The following FAAH2 variants were observed in gnomAD, a reference collection of about 807,000 sequenced individuals.
FAAH2 encodes fatty acid amide hydrolase 2.
In FAAH2, 60 loss-of-function variants were observed where a neutral mutation model predicts 36.9. The observed-to-expected ratio is 1.63, with a 90% CI of 1.32 to 2.02. The LOEUF (loss-of-function observed/expected upper bound fraction) is 2.02. Ranked by LOEUF, FAAH2 falls within the 30% of genes most tolerant of loss-of-function variation. The pLI, the probability that FAAH2 is intolerant of heterozygous loss-of-function variation, is 0.00. For missense variants in FAAH2, 689 were observed against 397.5 expected, an observed-to-expected ratio of 1.73 and a Z score of -6.23; for synonymous variants, 214 against 143.8, an observed-to-expected ratio of 1.49 and a Z score of -3.49.
At chrX:57,228,269 C>T in the FAAH2 span, among the ~76,000 whole-genome samples, 9 of 111,281 alleles carry the variant, frequency 8.1e-5, no homozygotes, top group Non-Finnish European at 1.5e-4. Context: ...CCCTGTGGTG[C>T]CAGGCAGGAA....
chrX:57,170,143 G>T, the FAAH2 span, among the ~76,000 whole-genome samples: 1 of 111,695 alleles, frequency 9.0e-6, no homozygotes, highest in Non-Finnish European at 1.9e-5. Context: ...GCTAACTTTT[G>T]TTTTTGTTGT....
intron 1 of FAAH2, among the ~76,000 whole-genome samples, chrX:57,289,871 AAGAG>A (rs1241425426): frequency 4.6e-5 from 5 of 109,686 alleles, no homozygotes; most frequent in Non-Finnish European, 9.5e-5. Context: ...GAGGGAGGGA[AAGAG>A]AGAGAGAGTG....
chrX:57,260,937 C>T, the FAAH2 span, among the ~76,000 whole-genome samples: 1 of 111,786 alleles, frequency 8.9e-6, no homozygotes, highest in Non-Finnish European at 1.9e-5. Flanking sequence ...ATTTCATACA[C>T]TGCTGTTGGG....
At chrX:57,204,781 G>T in the FAAH2 span, among the ~76,000 whole-genome samples, 1 of 112,025 alleles carries the variant, frequency 8.9e-6, no homozygotes, top group Admixed American at 9.5e-5. Context: ...TTGCATATGG[G>T]GTGTTCCATA....
At chrX:57,428,946 C>T (rs762782068) in intron 7 of FAAH2, among the ~76,000 whole-genome samples, 1 of 111,522 alleles carries the variant, frequency 9.0e-6, no homozygotes, top group South Asian at 3.7e-4. Context: ...AAACAGACAA[C>T]GTGCAGAATG....
chrX:57,306,183 G>A (rs752097550), intron 2 of FAAH2, among the ~76,000 whole-genome samples: 1 of 111,760 alleles, frequency 8.9e-6, no homozygotes, highest in African/African-American at 3.3e-5. Context: ...AAGTGTGAGG[G>A]ATGGGATATA....
At chrX:57,437,750 A>G (rs1165889893) in intron 8 of FAAH2, among the ~76,000 whole-genome samples, 1 of 102,754 alleles carries the variant, frequency 9.7e-6, no homozygotes, top group Non-Finnish European at 2.0e-5. Flanking sequence ...TATTATTTAT[A>G]TTTATATTTA....
the FAAH2 span, among the ~76,000 whole-genome samples, chrX:57,256,298 C>T: frequency 6.3e-5 from 7 of 111,695 alleles, no homozygotes; most frequent in South Asian, 3.8e-4. Context: ...GGAAACATTC[C>T]ATGCTCATGG....
chrX:57,477,639 C>A (rs1208204154), intron 10 of FAAH2, among the ~76,000 whole-genome samples: 3 of 103,096 alleles, frequency 2.9e-5, no homozygotes, highest in Non-Finnish European at 4.0e-5. Context: ...TCCCTCCCCG[C>A]TCCCCCAACC....
the FAAH2 span, among the ~76,000 whole-genome samples, chrX:57,228,859 G>A: frequency 9.0e-6 from 1 of 111,106 alleles, no homozygotes; most frequent in Non-Finnish European, 1.9e-5. Flanking sequence ...TTGAATAAAT[G>A]CAACGTCAGA....
At chrX:57,410,980 T>G (rs1342803139) in intron 7 of FAAH2, among the ~76,000 whole-genome samples, 1 of 111,953 alleles carries the variant, frequency 8.9e-6, no homozygotes, top group Non-Finnish European at 1.9e-5. Flanking sequence ...TTCAATTCTT[T>G]CATATTTCCT....
intron 7 of FAAH2, among the ~76,000 whole-genome samples, chrX:57,384,907 T>G (rs2054972436): frequency 9.0e-6 from 1 of 111,267 alleles, no homozygotes; most frequent in Non-Finnish European, 1.9e-5. Context: ...TAGACTGGAT[T>G]AAGAAAATGT....
At chrX:57,473,688 G>A (rs1594508) in intron 10 of FAAH2, among the ~76,000 whole-genome samples, 35,774 of 110,070 alleles carry the variant, frequency 0.33, 4,677 homozygotes, top group Middle Eastern at 0.61. Context: ...TATAAATCTG[G>A]ATGTTCCAGT....
the FAAH2 span, among the ~76,000 whole-genome samples, chrX:57,224,668 C>G: frequency 8.9e-6 from 1 of 112,319 alleles, no homozygotes; most frequent in Non-Finnish European, 1.9e-5. Context: ...AACAATGTAG[C>G]AGTTACGTCA....
At chrX:57,229,944 T>C in the FAAH2 span, among the ~76,000 whole-genome samples, 24 of 111,923 alleles carry the variant, frequency 2.1e-4, no homozygotes, top group Non-Finnish European at 5.6e-5. Flanking sequence ...ATTTCTCCTC[T>C]ACTTTTATTT....
intron 7 of FAAH2, among the ~76,000 whole-genome samples, chrX:57,381,932 A>C (rs190328910): frequency 4.5e-5 from 5 of 111,167 alleles, no homozygotes; most frequent in Non-Finnish European, 7.5e-5. Context: ...GATGTAAAGC[A>C]CTCCTCAGCA....
intron 10 of FAAH2, among the ~76,000 whole-genome samples, chrX:57,459,610 AAGCCAG>A (rs1473641043): frequency 1.8e-5 from 2 of 111,974 alleles, no homozygotes; most frequent in Non-Finnish European, 3.8e-5. Context: ...GGCTGGCATA[AAGCCAG>A]TGCCCCTCTG....
At chrX:57,135,597 C>G in the FAAH2 span, 3 of 704,513 alleles carry the variant, frequency 4.3e-6, no homozygotes, top group Non-Finnish European at 6.1e-6. Context: ...CATGCCCCAT[C>G]TACCAAACAC....
intron 2 of FAAH2, among the ~76,000 whole-genome samples, chrX:57,293,515 C>G (rs138551388): frequency 9.0e-6 from 1 of 111,562 alleles, no homozygotes; most frequent in African/African-American, 3.3e-5. Flanking sequence ...ATATGTGATG[C>G]CAAGCTTACA....
Sources: allele counts gnomAD v4.1 joint callset (sites outside exome capture counted in the v4.1 genomes callset), GRCh38; gene constraint gnomAD v4.1.1; transcripts MANE v1.5; gene names NCBI Gene and HGNC (gene_info 2026-07-23, HGNC 2026-07-21).